Variants in GSDMD observed in about 807,000 individuals in gnomAD.
GSDMD encodes gasdermin D.
A neutral mutation model predicts 46.7 loss-of-function variants in GSDMD; 46 were observed. That is an observed-to-expected ratio of 0.99 (90% CI 0.78 to 1.26). The LOEUF (loss-of-function observed/expected upper bound fraction) is 1.26. GSDMD is among the 50% of genes most tolerant of loss of function. The probability of loss-of-function intolerance (pLI) is 0.00; values close to 1 mark genes in which losing one functional copy is unlikely to be tolerated. For missense variants in GSDMD, 649 were observed against 638.8 expected (o/e 1.02, Z -0.17); for synonymous variants, 307 against 283.1 (o/e 1.08, Z -0.85).
chr8:143,559,565 G>A lies in GSDMD; in HGVS notation c.217+13G>A, dbSNP rs1264142440. The A allele has an allele frequency of 1.2e-6, 2 of 1,609,184 alleles. No individual in the cohort carries two copies. The highest frequency in any genetic ancestry group is 1.7e-6 in the Non-Finnish European group (2 of 1,177,464). On this transcript the variant is annotated intron_variant, in intron 2 of 10. Coordinates refer to ENST00000262580, the MANE Select transcript of GSDMD (RefSeq NM_024736.7). ...GCCGCGGAACCAGGTGCCTGATGTG[G>A]TGCTGAGGCAGAGCCCCAGGGAGGC...
chr8:143,555,279 G>A (rs567879412), upstream of GSDMD: 1 of 152,386 alleles, frequency 6.6e-6, no homozygotes, highest in Non-Finnish European at 1.5e-5. Context: ...CAGGCAGGGT[G>A]GGGGGCTGGT....
chr8:143,559,269 C>G (rs1823388598), intron 1 of GSDMD, 63 bp from the exon 2 acceptor site: 1 of 714,222 alleles, frequency 1.4e-6, no homozygotes, highest in East Asian at 2.8e-5. Context: ...AAGTACTGAC[C>G]CTTCTCCCAC....
At chr8:143,558,002 C>A, upstream of GSDMD, 1 of 395,512 alleles carries the variant, frequency 2.5e-6, no homozygotes, top group South Asian at 1.9e-5. Flanking sequence ...TCAAGCGATT[C>A]TCTTGCCTCA....
chr8:143,562,342 C>T lies in GSDMD; in HGVS notation c.1130C>T (p.Ala377Val), dbSNP rs1361367060. The T allele has an allele frequency of 6.5e-7, 1 of 1,544,210 alleles. No individual in the cohort carries two copies. The highest frequency in any genetic ancestry group is 1.2e-5 in the South Asian group (1 of 84,028). ...LAIPVVYLLG[A>V]LTMLSETQHK... is the part of the protein sequence containing the mutation. Reference sequence around the variant, plus strand: ...ATCCCTGTTGTCTACCTGCTGGGGGCACTGACCAGTGAGCGGCCGCTGGGG... The same window carrying T: ...ATCCCTGTTGTCTACCTGCTGGGGGTACTGACCAGTGAGCGGCCGCTGGGG... Residue 377 changes from alanine (A) to valine (V), a missense_variant, in exon 9 of 11, where the codon GCA becomes GTA. Coordinates refer to ENST00000262580, the MANE Select transcript of GSDMD (RefSeq NM_024736.7).
At chr8:143,560,125 C>T (rs1337483761) in intron 3 of GSDMD, 156 bp downstream of exon 3, 17 of 764,176 alleles carry the variant, frequency 2.2e-5, no homozygotes, top group Non-Finnish European at 3.2e-5. Flanking sequence ...CCTCCTGCCT[C>T]GGCCTCCCAA....
chr8:143,558,567 C>T, intron 1 of GSDMD, 116 bp downstream of exon 1: 1 of 1,041,024 alleles, frequency 9.6e-7, no homozygotes, highest in Non-Finnish European at 1.3e-6. Context: ...CCAGAAGGCC[C>T]CGCGCCGCAC....
upstream of GSDMD, among the ~76,000 whole-genome samples, chr8:143,554,325 C>T (rs1014452131): frequency 2.0e-5 from 3 of 152,298 alleles, no homozygotes; most frequent in Admixed American, 2.0e-4. Context: ...TGCACGTGTA[C>T]ATGCCCTACG....
chr8:143,559,083 C>G (rs1823383930), intron 1 of GSDMD: 1 of 594,162 alleles, frequency 1.7e-6, no homozygotes. Flanking sequence ...GTCTGGGCGT[C>G]AGGCCTCACT....
chr8:143,559,983 G>GGGCAGGGCAGGGCAC lies in GSDMD; in HGVS notation c.410+28_410+29insCGGCAGGGCAGGGCA. 2 of 1,567,162 alleles carry GGGCAGGGCAGGGCAC rather than the reference G, an allele frequency of 1.3e-6. No individual in the cohort carries two copies. Among genetic ancestry groups the GGGCAGGGCAGGGCAC allele is most frequent in the Non-Finnish European group, 1.7e-6 (2 of 1,165,098 alleles). On this transcript the variant is annotated intron_variant, in intron 3 of 10. Transcript: ENST00000262580. ...GCTCCATGAGAGGTGGGCCCGAAGAGGGCAGGGCAGGGCAGGGCCCCACCT... is the reference window on the plus strand; with the variant it reads ...GCTCCATGAGAGGTGGGCCCGAAGAGGGCAGGGCAGGGCACGGCAGGGCAGGGCAGGGCCCCACCT...
At position 143,562,017 on chromosome 8, in the gene GSDMD, G is replaced by T; in HGVS notation, c.882G>T (p.Val294=). 1 of 1,604,212 alleles carries T rather than the reference G, an allele frequency of 6.2e-7. No individual in the cohort carries two copies. Among genetic ancestry groups the T allele is most frequent in the Non-Finnish European group, 8.5e-7 (1 of 1,178,506 alleles). The change falls in exon 8 of 11, where the codon GTG becomes GTT. Residue 294 remains valine, a synonymous_variant. Transcript: ENST00000262580. ...TEDFQGLRAE[V]ETISKELELL... is the part of the protein sequence containing the mutation. ...ACTTCCAGGGCCTACGGGCAGAGGTGGAGACCATCTCCAAGGAACTGGAGC... is the reference window on the plus strand; with the variant it reads ...ACTTCCAGGGCCTACGGGCAGAGGTTGAGACCATCTCCAAGGAACTGGAGC...
intron 1 of GSDMD, chr8:143,558,681 G>GGTTCCCGGGCCGGTGCT: frequency 1.7e-6 from 1 of 574,622 alleles, no homozygotes; most frequent in Non-Finnish European, 3.1e-6. Flanking sequence ...CCGCCATCCA[G>GGTTCCCGGGCCGGTGCT]GTTCCCGGGC....
At position 143,559,459 on chromosome 8, in the gene GSDMD, A is replaced by G; in HGVS notation, c.124A>G (p.Arg42Gly). The G allele has an allele frequency of 6.2e-7, 1 of 1,612,924 alleles. No individual in the cohort carries two copies. Among genetic ancestry groups the G allele is most frequent in the African/African-American group, 1.3e-5 (1 of 75,074 alleles). The part of the protein sequence containing the change: ...TGFQPYCLVV[R>G]KPSSSWFWKP... ...CTTCCAGCCCTACTGCCTGGTGGTT[A>G]GGAAGCCCTCAAGCTCATGGTTCTG... Residue 42 changes from arginine (R) to glycine (G), a missense_variant, in exon 2 of 11, where the codon AGG becomes GGG. Coordinates refer to ENST00000262580, the MANE Select transcript of GSDMD (RefSeq NM_024736.7).
chr8:143,558,468 C>A lies in GSDMD; in HGVS notation c.-5+17C>A, dbSNP rs1466917783. The A allele has an allele frequency of 4.1e-6, 6 of 1,471,834 alleles. No homozygotes were observed. In the Admixed American group the frequency reaches 9.5e-5, roughly 23 times the overall value. 91.2% of individuals were successfully genotyped at this position (1,471,834 alleles called of 1,614,324 possible). A position where few individuals can be genotyped will look rare whatever the true frequency, so the allele number is the denominator to read the frequency against. On this transcript the variant is annotated intron_variant, in intron 1 of 10. Coordinates refer to ENST00000262580, the MANE Select transcript of GSDMD (RefSeq NM_024736.7). ...ACGGTCACGGTGAGCTGCGCCCCGC[C>A]CCCTCCCCCGGCCTGGCTGGAGCTC...
intron 1 of GSDMD, chr8:143,558,753 A>T (rs890198465): frequency 1.6e-6 from 1 of 616,856 alleles, no homozygotes; most frequent in Non-Finnish European, 3.0e-6. Context: ...CAGACCCAGC[A>T]CTCAGAGGCT....
At chr8:143,560,374 A>T in intron 3 of GSDMD, 1 of 641,338 alleles carries the variant, frequency 1.6e-6, no homozygotes, top group South Asian at 1.8e-5. Flanking sequence ...ACGGGGGCCC[A>T]GGTGAGGGGG....
chr8:143,561,792 C>G lies in GSDMD; in HGVS notation c.787C>G (p.Leu263Val). The G allele has an allele frequency of 6.2e-7, 1 of 1,610,844 alleles. No homozygotes were observed. Among genetic ancestry groups the G allele is most frequent in the Non-Finnish European group, 8.5e-7 (1 of 1,178,966 alleles). ...EGAWPQLPSG[L>V]SMMRCLHNFL... ...CGCCTGGCCACAGCTGCCCTCTGGC[C>G]TCTCCATGATGAGGTGCCTCCACAA... Residue 263 changes from leucine to valine, a missense_variant, in exon 7 of 11, where the codon CTC becomes GTC. Leu to Val is a conservative substitution (Grantham distance 32). Coordinates refer to ENST00000262580, the MANE Select transcript of GSDMD (RefSeq NM_024736.7).
At chr8:143,561,656 A>G in intron 6 of GSDMD, 86 bp from the exon 7 acceptor site, 1 of 1,175,186 alleles carries the variant, frequency 8.5e-7, no homozygotes, top group Non-Finnish European at 1.2e-6. Context: ...CGGGGCTGTG[A>G]CGGCCTGGGG....
intron 1 of GSDMD, 44 bp downstream of exon 1, chr8:143,558,495 C>G: frequency 7.1e-7 from 1 of 1,408,456 alleles, no homozygotes; most frequent in African/African-American, 1.5e-5. Flanking sequence ...CTGGAGCTCC[C>G]GAGTGGGGCC....
chr8:143,558,977 C>CTGTGGGTCCCTGGTG, intron 1 of GSDMD: 1 of 568,324 alleles, frequency 1.8e-6, no homozygotes. Context: ...CTGGGTTTTG[C>CTGTGGGTCCCTGGTG]AGTGGGTCCC....
Sources: gnomAD v4.1 joint callset for allele counts (sites outside exome capture counted in the v4.1 genomes callset) on GRCh38, gnomAD v4.1.1 for gene constraint, MANE v1.5 for transcripts, NCBI Gene and HGNC (gene_info 2026-07-23, HGNC 2026-07-21) for gene names.